The following VRTN variants were observed in gnomAD, a reference collection of about 807,000 sequenced individuals.
The protein encoded by VRTN is vertnin.
VRTN carries 5 observed loss-of-function variants against 18.2 expected under a neutral mutation model. The observed-to-expected ratio is 0.27, with a 90% confidence interval of 0.14 to 0.58. The LOEUF (loss-of-function observed/expected upper bound fraction) is 0.58, where lower values mean the gene tolerates loss of function less well. VRTN is among the 20% of genes least tolerant of loss of function. VRTN has a pLI of 0.91. For missense variants in VRTN, 741 were observed against 939.4 expected, an observed-to-expected ratio of 0.79 and a Z score of 2.76; for synonymous variants, 381 against 393.7, an observed-to-expected ratio of 0.97 and a Z score of 0.38.
At chr14:74,314,441 G>A (rs2085407296) in intron 1 of VRTN, among the ~76,000 whole-genome samples, 1 of 133,040 alleles carries the variant, frequency 7.5e-6, no homozygotes, top group Non-Finnish European at 1.5e-5. Context: ...CTGTGGCCCA[G>A]GCTGGAGTGC....
At chr14:74,332,336 T>TA (rs2085532247) in intron 1 of VRTN, among the ~76,000 whole-genome samples, 1 of 16,166 alleles carries the variant, frequency 6.2e-5, no homozygotes, top group Non-Finnish European at 1.0e-4. Flanking sequence ...TCCTAATCTG[T>TA]TTTTTTTTTT....
At chr14:74,305,379 C>A (rs946110442) in intron 1 of VRTN, 1 of 157,158 alleles carries the variant, frequency 6.4e-6, no homozygotes, top group Non-Finnish European at 1.4e-5. Flanking sequence ...CCAGAGTTAC[C>A]AGTGAGCAAG....
At chr14:74,304,087 G>T (rs1474967045) in intron 1 of VRTN, among the ~76,000 whole-genome samples, 7 of 151,914 alleles carry the variant, frequency 4.6e-5, no homozygotes, top group Admixed American at 1.3e-4. Context: ...CTAACCTCAG[G>T]TGATCTGCCC....
chr14:74,312,969 C>A (rs1448209729), intron 1 of VRTN, among the ~76,000 whole-genome samples: 2 of 151,958 alleles, frequency 1.3e-5, no homozygotes, highest in African/African-American at 4.8e-5. Flanking sequence ...TCTCGAACTC[C>A]TGACCTCATG....
Position 74,356,883 on chromosome 14 carries a change from GC to G in VRTN, c.102del (p.Lys35SerfsTer29). On this transcript the variant is annotated frameshift_variant, in exon 2 of 2. Transcript: ENST00000256362. LOFTEE classifies it high-confidence loss of function. The part of the protein sequence containing the change: ...LEGLIGASLE[A>X]KQVLSSFTLP... ...GGGTCTCATAGGTGCTTCCTTGGAGGCCAAGCAGGTCCTGTCTTCCTTCACT... is the reference window on the plus strand; with the variant it reads ...GGGTCTCATAGGTGCTTCCTTGGAGGCAAGCAGGTCCTGTCTTCCTTCACT... 1.2e-6 allele frequency: 2 copies of G among 1,614,072 alleles called. No homozygotes were observed. Among genetic ancestry groups the G allele is most frequent in the Non-Finnish European group, 1.7e-6 (2 of 1,179,994 alleles).
chr14:74,356,501 C>T (rs113452004), intron 1 of VRTN, among the ~76,000 whole-genome samples: 1 of 152,138 alleles, frequency 6.6e-6, no homozygotes. Flanking sequence ...CAGATTTTAA[C>T]ACACCATTCC....
intron 1 of VRTN, among the ~76,000 whole-genome samples, chr14:74,303,843 ATTT>A (rs67822776): frequency 2.7e-4 from 24 of 88,494 alleles, no homozygotes; most frequent in African/African-American, 5.7e-4. Context: ...ACAATTACAG[ATTT>A]TTTTTTTTTT....
At chr14:74,354,204 GT>G (rs905995489) in intron 1 of VRTN, among the ~76,000 whole-genome samples, 1 of 152,082 alleles carries the variant, frequency 6.6e-6, no homozygotes, top group Admixed American at 6.6e-5. Context: ...TTGATATATT[GT>G]TTTGGTGGAA....
In VRTN at chr14:74,320,563, CTTTTTTTTTTTTTTTTTTTTTT is replaced by C. The variant is rs35884901; in HGVS notation, c.-163-17140_-163-17119del. Among the ~76,000 whole-genome samples, 382 of 44,994 alleles carry C rather than the reference CTTTTTTTTTTTTTTTTTTTTTT, an allele frequency of 8.5e-3. 2 individuals carry two copies. The highest frequency in any genetic ancestry group is 0.021 in the South Asian group (22 of 1,052). The allele number at this position is 44,994 out of a possible 152,430, so 29.5% of individuals were successfully genotyped here. On this transcript the variant is annotated intron_variant, in intron 1 of 2. Coordinates refer to the VRTN transcript ENST00000557177. Reference sequence around the variant, plus strand: ...AGACTTGAGCCACTGCGCCCGGCCTCTTTTTTTTTTTTTTTTTTTTTTTTTTTTTTTTTTTTTTTTTGAGACG... The same window carrying C: ...AGACTTGAGCCACTGCGCCCGGCCTCTTTTTTTTTTTTTTTTTTTGAGACG...
intron 1 of VRTN, among the ~76,000 whole-genome samples, chr14:74,307,811 A>T (rs772657328): frequency 1.3e-5 from 2 of 151,882 alleles, no homozygotes; most frequent in Non-Finnish European, 2.9e-5. Context: ...GCTCACTGCA[A>T]CCTCCGCCTC....
intron 1 of VRTN, among the ~76,000 whole-genome samples, chr14:74,336,608 G>A (rs748926724): frequency 6.6e-6 from 1 of 152,028 alleles, no homozygotes; most frequent in Non-Finnish European, 1.5e-5. Flanking sequence ...CTATCTTTCT[G>A]GGTTAGTTCC....
chr14:74,303,843 ATTTT>A (rs67822776), intron 1 of VRTN, among the ~76,000 whole-genome samples: 3 of 88,494 alleles, frequency 3.4e-5, no homozygotes, highest in Middle Eastern at 6.8e-3. Context: ...ACAATTACAG[ATTTT>A]TTTTTTTTTT....
intron 1 of VRTN, among the ~76,000 whole-genome samples, chr14:74,335,809 C>T (rs1322574042): frequency 6.7e-6 from 1 of 149,292 alleles, no homozygotes; most frequent in East Asian, 2.0e-4. Flanking sequence ...GGTATGGTCT[C>T]GGCTGACTGC....
chr14:74,303,148 T>C (rs72542404), exon 1 of VRTN: 6,659 of 440,270 alleles, frequency 0.015, 142 homozygotes, highest in Admixed American at 0.091. Context: ...CTTTTGACAA[T>C]AGGTATCCGA....
At chr14:74,303,645 G>A (rs1455461157) in intron 1 of VRTN, among the ~76,000 whole-genome samples, 1 of 152,130 alleles carries the variant, frequency 6.6e-6, no homozygotes, top group Non-Finnish European at 1.5e-5. Flanking sequence ...CCCAAAGGGA[G>A]GTGGGAAATG....
chr14:74,332,338 T>TG (rs2085532308), intron 1 of VRTN, among the ~76,000 whole-genome samples: 2 of 20,844 alleles, frequency 9.6e-5, no homozygotes, highest in Non-Finnish European at 1.5e-4. Context: ...CTAATCTGTT[T>TG]TTTTTTTTTT....
intron 1 of VRTN, among the ~76,000 whole-genome samples, chr14:74,337,235 C>T (rs929524511): frequency 1.3e-5 from 2 of 151,888 alleles, no homozygotes; most frequent in Non-Finnish European, 2.9e-5. Context: ...CCCAGCTATT[C>T]GGGAAGCTGA....
upstream of VRTN, among the ~76,000 whole-genome samples, chr14:74,348,254 A>G (rs2085656486): frequency 6.6e-6 from 1 of 151,740 alleles, no homozygotes; most frequent in Non-Finnish European, 1.5e-5. Context: ...AAATCTTTCA[A>G]CTTTCTTTCA....
chr14:74,345,684 G>A (rs912701382), upstream of VRTN, among the ~76,000 whole-genome samples: 3 of 151,958 alleles, frequency 2.0e-5, no homozygotes, highest in Admixed American at 6.6e-5. Context: ...AGCACTTTGG[G>A]AGGCCAAAGT....
Sources: allele counts gnomAD v4.1 joint callset (sites outside exome capture counted in the v4.1 genomes callset), GRCh38; gene constraint gnomAD v4.1.1; transcripts MANE v1.5; gene names NCBI Gene and HGNC (gene_info 2026-07-23, HGNC 2026-07-21).